The following SPG11 variants were observed in gnomAD, a reference collection of about 807,000 sequenced individuals.
SPG11 encodes the protein SPG11 vesicle trafficking associated, spatacsin.
SPG11 carries 222 observed loss-of-function variants against 274.0 expected under a neutral mutation model. That is an observed-to-expected ratio of 0.81 (90% CI 0.73 to 0.91). The LOEUF (loss-of-function observed/expected upper bound fraction) is 0.91, where lower values mean the gene tolerates loss of function less well. Ranked by LOEUF, SPG11 falls within the 40% of genes least tolerant of loss-of-function variation. The pLI, the probability that SPG11 is intolerant of heterozygous loss-of-function variation, is 0.00. For missense variants in SPG11, 3,114 were observed against 2,872.7 expected, an observed-to-expected ratio of 1.08 and a Z score of -1.92; for synonymous variants, 1,144 against 1,039.7, an observed-to-expected ratio of 1.10 and a Z score of -1.93.
chr15:44,592,675 C>G (rs1324124413), intron 26 of SPG11, among the ~76,000 whole-genome samples: 1 of 151,920 alleles, frequency 6.6e-6, no homozygotes, highest in African/African-American at 2.4e-5. Flanking sequence ...AAAAAAGTAG[C>G]CAGGCATGGT....
Position 44,588,179 on chromosome 15 carries a change from T to C in SPG11, c.4906+1073A>G, listed in dbSNP as rs188226203. 1.6e-4 allele frequency among the ~76,000 whole-genome samples: 24 copies of C among 152,132 alleles called. 1 individual carries two copies. Among genetic ancestry groups the C allele is most frequent in the African/African-American group, 5.3e-4 (22 of 41,510 alleles). On this transcript the variant is annotated intron_variant, in intron 28 of 39. Coordinates refer to ENST00000261866, the MANE Select transcript of SPG11 (RefSeq NM_025137.4). ...CAGAATATAGTATAAAAGAACAACA[T>C]TATCATTCAATAAAAAACTTGAAAT...
rs1280780215 is a variant in SPG11 at position 44,598,820 on chromosome 15, T to A, written c.3703A>T (p.Asn1235Tyr). ...TPKQLIQQVGNEAYVIGLSSF... is the reference protein window; with the variant it reads ...TPKQLIQQVGYEAYVIGLSSF... ...GAGAGCCCTATAACATAGGCTTCAT[T>A]GCCTACTTGCTGGATCCTGAAAAAG... The change falls in exon 22 of 40, where the codon AAT becomes TAT. Residue 1235 changes from asparagine (N) to tyrosine (Y), a missense_variant. Physicochemically the swap from Asn to Tyr is moderately radical, Grantham distance 143. Coordinates refer to ENST00000261866, the MANE Select transcript of SPG11 (RefSeq NM_025137.4). The A allele has an allele frequency of 6.2e-7, 1 of 1,614,116 alleles. No homozygotes were observed. Among genetic ancestry groups the A allele is most frequent in the East Asian group, 2.2e-5 (1 of 44,886 alleles).
Position 44,651,885 on chromosome 15 carries a change from C to T in SPG11, c.1062G>A (p.Leu354=). The change falls in exon 6 of 40, where the codon CTG becomes CTA. Residue 354 remains leucine, a synonymous_variant. Transcript: ENST00000261866. ...ACCATGGAGCACAACAGGAAACCTC[C>T]AGTTTGGAGTTCTTTATTGTTTCAT... ...SLNETIKNSK[L]EVSCCAPWFQ... is the part of the protein sequence containing the mutation. The T allele has an allele frequency of 6.2e-7, 1 of 1,613,152 alleles. No homozygotes were observed. Among genetic ancestry groups the T allele is most frequent in the Non-Finnish European group, 8.5e-7 (1 of 1,179,614 alleles).
In SPG11 at chr15:44,573,626, C is replaced by T; in HGVS notation, c.6126G>A (p.Gln2042=). 6.2e-7 allele frequency: 1 copy of T among 1,614,184 alleles called. No individual in the cohort carries two copies. Among genetic ancestry groups the T allele is most frequent in the Non-Finnish European group, 8.5e-7 (1 of 1,180,032 alleles). The change falls in exon 32 of 40, where the codon CAG becomes CAA. Residue 2042 remains glutamine (Q), a synonymous_variant. Transcript: ENST00000261866. ...CAGCCACAGTATCTGGCTTAAGGCCCTGTGTGCTGATGAAGGCCTGGGCTC... is the reference window on the plus strand; with the variant it reads ...CAGCCACAGTATCTGGCTTAAGGCCTTGTGTGCTGATGAAGGCCTGGGCTC... The part of the protein sequence containing the change: ...CKRAQAFIST[Q]GLKPDTVAEL...
chr15:44,620,846 GCAC>G, intron 14 of SPG11: 1 of 165,856 alleles, frequency 6.0e-6, no homozygotes, highest in South Asian at 1.5e-4. Context: ...TTACAGGAAT[GCAC>G]CACCACACCC....
rs972738967 is a variant in SPG11 at position 44,583,890 on chromosome 15, C to A, written c.5790G>T (p.Glu1930Asp). The A allele has an allele frequency of 1.9e-6, 3 of 1,614,086 alleles. No homozygotes were observed. The African/African-American group carries it at 4.0e-5, about 22-fold the overall frequency. The change falls in exon 30 of 40, where the codon GAG becomes GAT. Residue 1930 changes from glutamate to aspartate, a missense_variant. Transcript: ENST00000261866. ...GEASMEDLHPEIHALLQSAEL... is the reference protein window; with the variant it reads ...GEASMEDLHPDIHALLQSAEL... ...CAGCACTTTGTAGGAGAGCATGGAT[C>A]TCTGGGTGCAGATCCTCCATACTAG... is the stretch of plus-strand genomic sequence containing the variant.
chr15:44,651,617 C>T lies in SPG11; in HGVS notation c.1330G>A (p.Glu444Lys). 1 of 1,614,206 alleles carries T rather than the reference C, an allele frequency of 6.2e-7. No homozygotes were observed. The highest frequency in any genetic ancestry group is 8.5e-7 in the Non-Finnish European group (1 of 1,180,036). Residue 444 changes from glutamate to lysine, a missense_variant, in exon 6 of 40, where the codon GAA becomes AAA. Glu to Lys is a moderately conservative substitution (Grantham distance 56). Transcript: ENST00000261866. ...AGGGTAATGGTATAGCCCATCCTTT[C>T]CACTTCCCAAGTAAACAGTGCAGTG... ...GFTALFTWEV[E>K]RMGYTITLWD...
chr15:44,658,710 C>T (rs914368357), intron 3 of SPG11, among the ~76,000 whole-genome samples: 12 of 152,196 alleles, frequency 7.9e-5, no homozygotes, highest in African/African-American at 2.4e-4. Context: ...CCGCCCACCT[C>T]GGCCTCCCAA....
Position 44,626,496 on chromosome 15 carries a change from G to T in SPG11, c.2079C>A (p.Ala693=). ...WKKLSFEEVI[A]SAILNNKIPE... ...GTATTTTGTTGTTTAAAATGGCGCT[G>T]GCAATAACTTCCTAGGAAAAGAAAA... The change falls in exon 11 of 40, where the codon GCC becomes GCA. Residue 693 remains alanine, a synonymous_variant. Coordinates refer to ENST00000261866, the MANE Select transcript of SPG11 (RefSeq NM_025137.4). 1 of 1,613,648 alleles carries T rather than the reference G, an allele frequency of 6.2e-7. No individual in the cohort carries two copies. The highest frequency in any genetic ancestry group is 8.5e-7 in the Non-Finnish European group (1 of 1,179,868).
intron 33 of SPG11, 103 bp from the exon 34 acceptor site, chr15:44,570,761 G>C: frequency 6.8e-7 from 1 of 1,461,380 alleles, no homozygotes; most frequent in Non-Finnish European, 9.4e-7. Flanking sequence ...GAAGGGGCCT[G>C]TCTGGAGAGG....
chr15:44,656,664 G>C (rs917526848), intron 4 of SPG11, among the ~76,000 whole-genome samples: 3 of 152,180 alleles, frequency 2.0e-5, no homozygotes, highest in African/African-American at 7.2e-5. Context: ...TATGGCTGTG[G>C]AGGTGGAAAG....
At chr15:44,584,622 G>A (rs2082720845) in intron 29 of SPG11, 64 bp from the exon 30 acceptor site, 2 of 1,563,034 alleles carry the variant, frequency 1.3e-6, no homozygotes, top group African/African-American at 1.3e-5. Context: ...AAATGCTAAT[G>A]TTCCCTAAGT....
rs374899647 is a variant in SPG11, at chr15:44,621,953, A to AT, written c.2445-20dup. On this transcript the variant is annotated intron_variant, in intron 13 of 39. Transcript: ENST00000261866. Reference sequence around the variant, plus strand: ...CCAGTACCTAAAAACAGTGATATAAATTTTTTTTTTTTTAATTTTGGAGAA... The same window carrying AT: ...CCAGTACCTAAAAACAGTGATATAAATTTTTTTTTTTTTTAATTTTGGAGAA... 0.031 allele frequency: 34,346 copies of AT among 1,102,796 alleles called. 4 individuals carry two copies. The highest frequency in any genetic ancestry group is 0.034 in the Non-Finnish European group (27,281 of 795,652). 68.3% of individuals were successfully genotyped at this position (1,102,796 alleles called of 1,614,324 possible). A position where few individuals can be genotyped will look rare whatever the true frequency, so the allele number is the denominator to read the frequency against.
Position 44,623,760 on chromosome 15 carries a change from T to C in SPG11, c.2245-961A>G, listed in dbSNP as rs368203867. ...GGTCTAACAGAGTACTTTTCTTTTC[T>C]TTTTCTTTTTTTTTGAGACAGGGTC... On this transcript the variant is annotated intron_variant, in intron 11 of 39. Transcript: ENST00000261866. Among the ~76,000 whole-genome samples the C allele has an allele frequency of 6.6e-5, 10 of 152,118 alleles. No individual in the cohort carries two copies. The East Asian group carries it at 9.6e-4, about 15-fold the overall frequency.
chr15:44,574,761 G>A (rs540646750), intron 31 of SPG11, 141 bp downstream of exon 31: 2 of 1,052,118 alleles, frequency 1.9e-6, no homozygotes, highest in Admixed American at 3.7e-5. Context: ...ATAAAATTAT[G>A]AGGGCCAACA....
At chr15:44,610,525 G>A (rs888814799) in intron 18 of SPG11, among the ~76,000 whole-genome samples, 11 of 152,098 alleles carry the variant, frequency 7.2e-5, no homozygotes, top group African/African-American at 2.4e-4. Context: ...TGGGATTACA[G>A]GCGTGCGCCA....
Position 44,610,845 on chromosome 15 carries a change from T to C in SPG11, c.3286A>G (p.Ser1096Gly). The change falls in exon 18 of 40, where the codon AGT becomes GGT. Residue 1096 changes from serine to glycine, a missense_variant. By Grantham distance (56) the Ser-to-Gly change is moderately conservative (BLOSUM62 0). Transcript: ENST00000261866. ...ATTMYSPGGV[S>G]QVVQNEENEN... is the part of the protein sequence containing the mutation. ...TCATAAAGTGCTATCCATACCTGAC[T>C]GACACCCCCAGGAGAATACATTGTA... The C allele has an allele frequency of 6.2e-7, 1 of 1,613,972 alleles. No homozygotes were observed. The highest frequency in any genetic ancestry group is 2.2e-5 in the East Asian group (1 of 44,878).
At position 44,622,316 on chromosome 15, in the gene SPG11, G is replaced by A. The variant is rs954316378; in HGVS notation, c.2348C>T (p.Ser783Phe). 2 of 1,559,348 alleles carry A rather than the reference G, an allele frequency of 1.3e-6. No individual in the cohort carries two copies. Among genetic ancestry groups the A allele is most frequent in the Admixed American group, 1.8e-5 (1 of 56,300 alleles). The change falls in exon 13 of 40, where the codon TCT (serine) becomes TTT (phenylalanine). Residue 783 changes from serine (S) to phenylalanine (F), a missense_variant. Transcript: ENST00000261866. ...VEILKEKNYF[S>F]EKEKRTIDFV... ...GTCTATAGTTCTTTTCTCTTTTTCA[G>A]AAAAATAATTTTTTTCTTTTAAAAT...
rs755068950 is a variant in SPG11, at chr15:44,583,842, G to C, written c.5838C>G (p.Pro1946=). 7.4e-6 allele frequency: 12 copies of C among 1,613,966 alleles called. No homozygotes were observed. Among genetic ancestry groups the C allele is most frequent in the African/African-American group, 1.3e-5 (1 of 74,892 alleles). Residue 1946 remains proline, a synonymous_variant, in exon 30 of 40, where the codon CCC becomes CCG. Coordinates refer to ENST00000261866, the MANE Select transcript of SPG11 (RefSeq NM_025137.4). Reference sequence around the variant, plus strand: ...TGTGGACTCTCCTTAGGGGAATGTCGGGTGCTTCTTCCTCAAGCAGCTCAG... The same window carrying C: ...TGTGGACTCTCCTTAGGGGAATGTCCGGTGCTTCTTCCTCAAGCAGCTCAG... ...QSAELLEEEA[P]DIPLRRVHST... is the part of the protein sequence containing the mutation.
Sources: allele counts gnomAD v4.1 joint callset (sites outside exome capture counted in the v4.1 genomes callset), GRCh38; gene constraint gnomAD v4.1.1; transcripts MANE v1.5; gene names NCBI Gene and HGNC (gene_info 2026-07-23, HGNC 2026-07-21).